Variants in KCNQ1 observed in about 807,000 individuals in gnomAD.
KCNQ1 encodes potassium voltage-gated channel subfamily KQT member 1.
Under a neutral mutation model 72.4 loss-of-function variants are expected in KCNQ1, and 49 were observed. That is an observed-to-expected ratio of 0.68 (90% confidence interval 0.54 to 0.86). KCNQ1 has a LOEUF of 0.86. Among genes scored for constraint, KCNQ1 ranks in the 40% least tolerant of loss-of-function variants. KCNQ1 has a pLI of 0.00. For synonymous variants in KCNQ1, 450 were observed against 412.6 expected (o/e 1.09, Z -1.10); for missense variants, 790 against 945.1 (o/e 0.84, Z 2.15).
intron 2 of KCNQ1, among the ~76,000 whole-genome samples, chr11:2,529,563 G>T (rs1369869515): frequency 6.6e-6 from 1 of 152,162 alleles, no homozygotes; most frequent in African/African-American, 2.4e-5. Flanking sequence ...AGAATAAGTT[G>T]TTATTGTTGC....
Position 2,782,727 on chromosome 11 carries a change from G to A in KCNQ1, c.1794+4690G>A, listed in dbSNP as rs1331883382. Among the ~76,000 whole-genome samples, 1 of 151,926 alleles carries A rather than the reference G, an allele frequency of 6.6e-6. No homozygotes were observed. Among genetic ancestry groups the A allele is most frequent in the Admixed American group, 6.6e-5 (1 of 15,256 alleles). On this transcript the variant is annotated intron_variant, in intron 15 of 15. Transcript: ENST00000155840. This position sits in a 1 kb window ranked among gnomAD's most constrained non-coding sequence, Gnocchi z 6.1. ...TTCATTTTAGTTTCCATGTTCATTG[G>A]CATTTATTATAATTTTAATGTCCGT...
At chr11:2,569,171 C>A (rs151123946) in intron 2 of KCNQ1, among the ~76,000 whole-genome samples, 17 of 152,166 alleles carry the variant, frequency 1.1e-4, no homozygotes, top group Admixed American at 7.2e-4. Flanking sequence ...GGCGTGAGCC[C>A]CCGCACCTGG....
In KCNQ1 at chr11:2,547,139, G is replaced by A. The variant is rs528233088; in HGVS notation, c.477+19121G>A. On this transcript the variant is annotated intron_variant, in intron 2 of 15. Coordinates refer to ENST00000155840, the MANE Select transcript of KCNQ1 (RefSeq NM_000218.3). The surrounding 1 kb of genome is among the most constrained non-coding windows in gnomAD (Gnocchi z 4.2). Reference sequence around the variant, plus strand: ...CTCTGTCATTGTCTTTTATAATTACGTGTATTTTGTCACGGTTGCTGTTGT... The same window carrying A: ...CTCTGTCATTGTCTTTTATAATTACATGTATTTTGTCACGGTTGCTGTTGT... 5.8e-4 allele frequency among the ~76,000 whole-genome samples: 88 copies of A among 152,122 alleles called. No individual in the cohort carries two copies. Among genetic ancestry groups the A allele is most frequent in the Non-Finnish European group, 8.5e-4 (58 of 68,022 alleles).
intron 15 of KCNQ1, among the ~76,000 whole-genome samples, chr11:2,800,950 A>T (rs888599663): frequency 3.3e-5 from 5 of 152,108 alleles, no homozygotes; most frequent in African/African-American, 1.2e-4. Flanking sequence ...CATTCTAGAG[A>T]ATGTTCCAGA....
chr11:2,760,774 C>T (rs1202289469), intron 11 of KCNQ1, among the ~76,000 whole-genome samples: 1 of 152,228 alleles, frequency 6.6e-6, no homozygotes, highest in Non-Finnish European at 1.5e-5. Context: ...GGAAAGGTTT[C>T]CTTGTCCCCC....
At chr11:2,641,299 C>T (rs960362393) in intron 10 of KCNQ1, 1 of 398,468 alleles carries the variant, frequency 2.5e-6, no homozygotes, top group Non-Finnish European at 4.4e-6. Context: ...GTTCCCTCCA[C>T]ATCCTCTCCA....
intron 11 of KCNQ1, chr11:2,680,781 A>G (rs1850383982): frequency 6.7e-6 from 1 of 148,760 alleles, no homozygotes; most frequent in Non-Finnish European, 1.3e-5. Context: ...TCATTTCTTT[A>G]TCATTCCAAG....
At chr11:2,607,973 A>G (rs1428962442) in intron 10 of KCNQ1, among the ~76,000 whole-genome samples, 1 of 152,236 alleles carries the variant, frequency 6.6e-6, no homozygotes, top group Non-Finnish European at 1.5e-5. Flanking sequence ...TGAAAATAAG[A>G]AAACAATTCT....
At chr11:2,616,556 C>A (rs1849067922) in intron 10 of KCNQ1, 1 of 398,078 alleles carries the variant, frequency 2.5e-6, no homozygotes, top group South Asian at 1.3e-4. Context: ...ACTTCTTTCA[C>A]TACATCCCAT....
intron 10 of KCNQ1, chr11:2,655,735 A>G: frequency 1.0e-5 from 3 of 289,842 alleles, no homozygotes; most frequent in Non-Finnish European, 1.8e-5. Context: ...GGCTACGACC[A>G]CAGGTGAAAA....
intron 1 of KCNQ1, among the ~76,000 whole-genome samples, chr11:2,465,340 C>G (rs533857736): frequency 1.5e-3 from 224 of 152,294 alleles, no homozygotes; most frequent in African/African-American, 4.4e-3. Context: ...CTGGCTGCAG[C>G]TGGAAGCTCT....
intron 1 of KCNQ1, among the ~76,000 whole-genome samples, chr11:2,518,193 C>A (rs781576886): frequency 2.7e-4 from 41 of 152,362 alleles, no homozygotes; most frequent in Admixed American, 4.6e-4. Flanking sequence ...CTGCTCTGGT[C>A]GGGGAGGCAG....
rs2012323 is a variant in KCNQ1 at position 2,583,207 on chromosome 11, A to G, written c.922-228A>G. Among the ~76,000 whole-genome samples the G allele has an allele frequency of 0.64, 97,646 of 152,050 alleles. 32,932 individuals carry two copies. The highest frequency in any genetic ancestry group is 0.91 in the East Asian group (4,666 of 5,140). On this transcript the variant is annotated intron_variant, in intron 6 of 15. Transcript: ENST00000155840. ...GCCCTTCGTGGGTGCTGGGCTCCTT[A>G]CATGTGCTGGTGGGACATACCTTGT...
intron 6 of KCNQ1, among the ~76,000 whole-genome samples, chr11:2,573,602 C>A (rs909401419): frequency 8.5e-5 from 13 of 152,354 alleles, no homozygotes; most frequent in African/African-American, 2.9e-4. Context: ...CCTAGGGAAG[C>A]AGGGACCCGG....
In KCNQ1 at chr11:2,564,922, C is replaced by T. The variant is rs1041251477; in HGVS notation, c.478-5706C>T. ...TTGCAGCCTGTGTGAGAATCCCCTTCCTTTTTAAGGCCAAATCCTATTCCG... is the reference window on the plus strand; with the variant it reads ...TTGCAGCCTGTGTGAGAATCCCCTTTCTTTTTAAGGCCAAATCCTATTCCG... On this transcript the variant is annotated intron_variant, in intron 2 of 15. Coordinates refer to ENST00000155840, the MANE Select transcript of KCNQ1 (RefSeq NM_000218.3). This position sits in a 1 kb window ranked among gnomAD's most constrained non-coding sequence, Gnocchi z 4.5. Among the ~76,000 whole-genome samples, 1 of 152,230 alleles carries T rather than the reference C, an allele frequency of 6.6e-6. No individual in the cohort carries two copies. Among genetic ancestry groups the T allele is most frequent in the Non-Finnish European group, 1.5e-5 (1 of 68,042 alleles).
rs1846865803 is a variant in KCNQ1 at position 2,493,432 on chromosome 11, A to G, written c.387-34496A>G. Among the ~76,000 whole-genome samples, 1 of 152,172 alleles carries G rather than the reference A, an allele frequency of 6.6e-6. No homozygotes were observed. The highest frequency in any genetic ancestry group is 1.5e-5 in the Non-Finnish European group (1 of 68,038). On this transcript the variant is annotated intron_variant, in intron 1 of 15. Transcript: ENST00000155840. This position sits in a 1 kb window ranked among gnomAD's most constrained non-coding sequence, Gnocchi z 5.3. The stretch of plus-strand genomic sequence containing the variant: ...AGTCATGAAGTCCTTGCCCATGCCT[A>G]TGTCCTGAATGGTATTGCCTGGGTA...
At position 2,526,561 on chromosome 11, in the gene KCNQ1, G is replaced by C. The variant is rs951304338; in HGVS notation, c.387-1367G>C. On this transcript the variant is annotated intron_variant, in intron 1 of 15. Coordinates refer to ENST00000155840, the MANE Select transcript of KCNQ1 (RefSeq NM_000218.3). The surrounding 1 kb of genome is among the most constrained non-coding windows in gnomAD (Gnocchi z 6.1). ...TCCTGTCCACAGGAGCTTGGGGAAG[G>C]GGGTGGGGGGCCAGAGCCCCACCTT... Among the ~76,000 whole-genome samples, 5 of 152,110 alleles carry C rather than the reference G, an allele frequency of 3.3e-5. No homozygotes were observed. Among genetic ancestry groups the C allele is most frequent in the African/African-American group, 1.2e-4 (5 of 41,430 alleles).
At chr11:2,771,014 G>C (rs116996706) in intron 12 of KCNQ1, among the ~76,000 whole-genome samples, 8 of 152,248 alleles carry the variant, frequency 5.3e-5, no homozygotes, top group African/African-American at 9.6e-5. Context: ...AGCAGCTGAC[G>C]TCACCCCAGC....
chr11:2,502,851 A>G (rs560933889), intron 1 of KCNQ1, among the ~76,000 whole-genome samples: 1 of 152,340 alleles, frequency 6.6e-6, no homozygotes, highest in Admixed American at 6.5e-5. Context: ...GACCAATGGA[A>G]CAGAATAGAA....
Sources: gnomAD v4.1 joint callset for allele counts (sites outside exome capture counted in the v4.1 genomes callset) on GRCh38, gnomAD v4.1.1 for gene constraint, Gnocchi (gnomAD v3.1) non-coding constraint, MANE v1.5 for transcripts, NCBI Gene and HGNC (gene_info 2026-07-23, HGNC 2026-07-21) for gene names.